Variants in SPANXN4 observed in about 807,000 individuals in gnomAD.
SPANXN4 encodes the protein sperm protein associated with the nucleus on the X chromosome N4.
SPANXN4 carries 5 observed loss-of-function variants against 6.0 expected under a neutral mutation model. The ratio of observed to expected loss-of-function variants is 0.83; its 90% CI spans 0.44 to 1.75. The LOEUF (loss-of-function observed/expected upper bound fraction) is 1.75. SPANXN4 is among the 40% of genes most tolerant of loss of function. SPANXN4 has a pLI of 0.02. For missense variants in SPANXN4, 157 were observed against 108.6 expected (o/e 1.45, Z -1.98); for synonymous variants, 45 against 38.0 (o/e 1.19, Z -0.68).
At chrX:143,032,382 G>A (rs1569429480) in intron 1 of SPANXN4, among the ~76,000 whole-genome samples, 1 of 110,393 alleles carries the variant, frequency 9.1e-6, no homozygotes, top group Admixed American at 9.7e-5. Flanking sequence ...CTGGTTTGTG[G>A]TGGAGAACGA....
At chrX:143,036,192 C>T (rs979316002), downstream of SPANXN4, among the ~76,000 whole-genome samples, 1 of 109,588 alleles carries the variant, frequency 9.1e-6, no homozygotes, top group Non-Finnish European at 1.9e-5. Context: ...ACATTGTCTT[C>T]AGGACCTAGG....
At chrX:143,027,908 C>T (rs185078535) in intron 1 of SPANXN4, among the ~76,000 whole-genome samples, 21 of 111,040 alleles carry the variant, frequency 1.9e-4, no homozygotes, top group African/African-American at 6.5e-4. Flanking sequence ...GTCATACCTC[C>T]TGCATTACTG....
At chrX:143,028,078 G>A (rs1016333499) in intron 1 of SPANXN4, among the ~76,000 whole-genome samples, 15 of 111,659 alleles carry the variant, frequency 1.3e-4, no homozygotes, top group African/African-American at 4.9e-4. Context: ...AGTGCAGTGA[G>A]GTTGGTCCTG....
downstream of SPANXN4, among the ~76,000 whole-genome samples, chrX:143,036,289 T>C (rs1932843518): frequency 9.0e-6 from 1 of 111,010 alleles, no homozygotes; most frequent in Admixed American, 9.7e-5. Flanking sequence ...GATATAGACA[T>C]GGCCCTTGAT....
intron 1 of SPANXN4, among the ~76,000 whole-genome samples, chrX:143,027,533 G>A (rs1174548063): frequency 1.8e-5 from 2 of 111,500 alleles, no homozygotes; most frequent in African/African-American, 6.5e-5. Context: ...ACAGCCCTGT[G>A]TGTGACAGTG....
intron 1 of SPANXN4, 127 bp downstream of exon 1, chrX:143,026,219 AGCCCACC>A (rs1427177581): frequency 1.8e-6 from 1 of 554,223 alleles, no homozygotes; most frequent in Non-Finnish European, 2.9e-6. Flanking sequence ...TTCATGCCAG[AGCCCACC>A]GCTACATACA....
chrX:143,032,724 G>A (rs1932818000), intron 1 of SPANXN4, among the ~76,000 whole-genome samples: 1 of 111,541 alleles, frequency 9.0e-6, no homozygotes, highest in Non-Finnish European at 1.9e-5. Flanking sequence ...GGAGGGGAGT[G>A]CATACCCCTG....
At chrX:143,029,360 A>G (rs192059977) in intron 1 of SPANXN4, among the ~76,000 whole-genome samples, 1 of 110,903 alleles carries the variant, frequency 9.0e-6, no homozygotes, top group Admixed American at 9.6e-5. Context: ...GTGAATGTTA[A>G]CTCTCTTTCC....
At chrX:143,027,235 G>A (rs761774974) in intron 1 of SPANXN4, among the ~76,000 whole-genome samples, 110 of 112,305 alleles carry the variant, frequency 9.8e-4, no homozygotes, top group Non-Finnish European at 1.9e-3. Flanking sequence ...GGCCCTGTGA[G>A]GGCATGACAG....
intron 1 of SPANXN4, among the ~76,000 whole-genome samples, chrX:143,029,107 T>C (rs1305822502): frequency 3.6e-5 from 4 of 111,123 alleles, no homozygotes; most frequent in African/African-American, 1.3e-4. Flanking sequence ...ATGATGAAAT[T>C]TTAAGGGCTG....
At chrX:143,030,075 G>A (rs1932801230) in intron 1 of SPANXN4, among the ~76,000 whole-genome samples, 1 of 109,341 alleles carries the variant, frequency 9.1e-6, no homozygotes, top group African/African-American at 3.3e-5. Flanking sequence ...TTTTAAGTGG[G>A]AGTTGATGGG....
chrX:143,036,562 T>C (rs1932844880), downstream of SPANXN4, among the ~76,000 whole-genome samples: 1 of 112,180 alleles, frequency 8.9e-6, no homozygotes, highest in African/African-American at 3.2e-5. Flanking sequence ...TCCTTTTCTA[T>C]GATCAATTGA....
At chrX:143,034,394 T>A (rs1338278203) in intron 2 of SPANXN4, 83 bp downstream of exon 2, 3 of 1,058,419 alleles carry the variant, frequency 2.8e-6, no homozygotes, top group African/African-American at 1.9e-5. Context: ...CGGAGGGATA[T>A]GAGATCCTGT....
At chrX:143,031,177 C>A (rs1297472797) in intron 1 of SPANXN4, among the ~76,000 whole-genome samples, 1 of 110,489 alleles carries the variant, frequency 9.1e-6, no homozygotes, top group African/African-American at 3.3e-5. Flanking sequence ...GAGGGATAAC[C>A]AGGAAGGAGT....
At chrX:143,033,902 C>G (rs1406275629) in intron 1 of SPANXN4, 123 bp from the exon 2 acceptor site, 1 of 626,230 alleles carries the variant, frequency 1.6e-6, no homozygotes, top group South Asian at 3.1e-5. Flanking sequence ...CCACCTTGCT[C>G]TTCTCTGGCA....
chrX:143,030,395 G>A (rs779667501), intron 1 of SPANXN4, among the ~76,000 whole-genome samples: 1 of 110,656 alleles, frequency 9.0e-6, no homozygotes, highest in Non-Finnish European at 1.9e-5. Flanking sequence ...TGATGTGTTG[G>A]ACTGACAGGT....
downstream of SPANXN4, among the ~76,000 whole-genome samples, chrX:143,035,910 G>A (rs1188775970): frequency 9.4e-6 from 1 of 106,239 alleles, no homozygotes; most frequent in Non-Finnish European, 1.9e-5. Flanking sequence ...TGTATCCTTT[G>A]ACTTACATCT....
At chrX:143,032,403 G>A (rs991261041) in intron 1 of SPANXN4, among the ~76,000 whole-genome samples, 2 of 110,198 alleles carry the variant, frequency 1.8e-5, no homozygotes, top group East Asian at 5.8e-4. Flanking sequence ...AGAGGGGATG[G>A]AGGGCGACAG....
downstream of SPANXN4, among the ~76,000 whole-genome samples, chrX:143,035,137 A>G (rs748236454): frequency 3.7e-5 from 4 of 109,220 alleles, no homozygotes; most frequent in South Asian, 1.2e-3. Context: ...TGGAGGAAAT[A>G]CAATAGAATG....
Sources: allele counts gnomAD v4.1 joint callset (sites outside exome capture counted in the v4.1 genomes callset), GRCh38; gene constraint gnomAD v4.1.1; transcripts MANE v1.5; gene names NCBI Gene and HGNC (gene_info 2026-07-23, HGNC 2026-07-21).